The following ADAMTS16 variants were observed in gnomAD, a reference collection of about 807,000 sequenced individuals.
ADAMTS16 encodes the protein A disintegrin and metalloproteinase with thrombospondin motifs 16.
In ADAMTS16, 94 loss-of-function variants were observed where a neutral mutation model predicts 145.8. The ratio of observed to expected loss-of-function variants is 0.64; its 90% CI spans 0.55 to 0.77. ADAMTS16 has a LOEUF of 0.77. Ranked by LOEUF, ADAMTS16 falls within the 30% of genes least tolerant of loss-of-function variation. The probability of loss-of-function intolerance (pLI) is 0.00; values close to 1 mark genes in which losing one functional copy is unlikely to be tolerated. For synonymous variants in ADAMTS16, 659 were observed against 604.3 expected (o/e 1.09, Z -1.33); for missense variants, 1,585 against 1,591.5 (o/e 1.00, Z 0.07).
chr5:5,176,787 A>G (rs1735209521), intron 3 of ADAMTS16, among the ~76,000 whole-genome samples: 1 of 152,198 alleles, frequency 6.6e-6, no homozygotes, highest in Non-Finnish European at 1.5e-5. Flanking sequence ...GAATTCATCC[A>G]AAGCCTGATT....
At chr5:5,213,202 T>C (rs532812146) in intron 10 of ADAMTS16, among the ~76,000 whole-genome samples, 117 of 152,346 alleles carry the variant, frequency 7.7e-4, no homozygotes, top group African/African-American at 2.8e-3. Context: ...AACCATCTTT[T>C]ATATTTATTG....
intron 18 of ADAMTS16, among the ~76,000 whole-genome samples, chr5:5,302,577 T>C (rs1177448402): frequency 2.0e-4 from 30 of 152,178 alleles, no homozygotes; most frequent in Non-Finnish European, 2.9e-5. Flanking sequence ...AAAGATCCGG[T>C]TTCTTTAACA....
At chr5:5,174,190 T>G (rs1330987387) in intron 3 of ADAMTS16, among the ~76,000 whole-genome samples, 1 of 152,188 alleles carries the variant, frequency 6.6e-6, no homozygotes, top group Non-Finnish European at 1.5e-5. Context: ...TATTTCTCCT[T>G]CATGTTTGAG....
chr5:5,198,563 C>T (rs1735871035), intron 8 of ADAMTS16, among the ~76,000 whole-genome samples: 1 of 152,164 alleles, frequency 6.6e-6, no homozygotes, highest in African/African-American at 2.4e-5. Context: ...AGTCTTTCTC[C>T]AGTCCTCGGT....
At chr5:5,189,612 G>A (rs1328869975) in intron 6 of ADAMTS16, among the ~76,000 whole-genome samples, 1 of 152,156 alleles carries the variant, frequency 6.6e-6, no homozygotes, top group Non-Finnish European at 1.5e-5. Context: ...TATGTACAAA[G>A]CCATGTATAA....
At chr5:5,288,997 C>G (rs1385609449) in intron 18 of ADAMTS16, among the ~76,000 whole-genome samples, 1 of 152,134 alleles carries the variant, frequency 6.6e-6, no homozygotes, top group East Asian at 1.9e-4. Flanking sequence ...TGGGCTAATG[C>G]ATGTGAATGG....
intron 21 of ADAMTS16, among the ~76,000 whole-genome samples, chr5:5,312,021 G>C (rs1413593132): frequency 6.6e-6 from 1 of 152,062 alleles, no homozygotes; most frequent in African/African-American, 2.4e-5. Context: ...TCGGCCATCG[G>C]TTCGCTTCTT....
chr5:5,212,797 A>T (rs1736313950), intron 10 of ADAMTS16, among the ~76,000 whole-genome samples: 1 of 152,192 alleles, frequency 6.6e-6, no homozygotes, highest in South Asian at 2.1e-4. Flanking sequence ...AAAATTATAT[A>T]GTAGATTTCA....
Position 5,208,220 on chromosome 5 carries a change from GAGCCAGAAATCT to G in ADAMTS16, c.1452-872_1452-861del, listed in dbSNP as rs376867689. 3.9e-3 allele frequency among the ~76,000 whole-genome samples: 600 copies of G among 152,278 alleles called. 3 individuals are homozygous for G. Among genetic ancestry groups the G allele is most frequent in the African/African-American group, 0.013 (554 of 41,554 alleles). On this transcript the variant is annotated intron_variant, in intron 9 of 22. Transcript: ENST00000274181. ...ACGTGGGACTGGGGGTCCTAGAAAT[GAGCCAGAAATCT>G]TCCAGTCAAGGTGGACAACCACTCA... is the stretch of plus-strand genomic sequence containing the variant.
chr5:5,175,197 C>T (rs944467555), intron 3 of ADAMTS16, among the ~76,000 whole-genome samples: 1 of 152,110 alleles, frequency 6.6e-6, no homozygotes, highest in Non-Finnish European at 1.5e-5. Context: ...TATTCCAGGC[C>T]CCAGGGCTCT....
intron 18 of ADAMTS16, among the ~76,000 whole-genome samples, chr5:5,265,764 T>A (rs1560976820): frequency 6.6e-6 from 1 of 152,092 alleles, no homozygotes; most frequent in Non-Finnish European, 1.5e-5. Context: ...CCCCGGACAG[T>A]GGGGTCTGCT....
intron 21 of ADAMTS16, among the ~76,000 whole-genome samples, chr5:5,314,703 G>A (rs1303236791): frequency 2.0e-5 from 3 of 151,960 alleles, no homozygotes; most frequent in Non-Finnish European, 2.9e-5. Flanking sequence ...TTTTTTTCAC[G>A]GGGAATTGTA....
chr5:5,318,923 C>T (rs1034427341), intron 22 of ADAMTS16, 100 bp from the exon 23 acceptor site: 38 of 833,286 alleles, frequency 4.6e-5, no homozygotes, highest in South Asian at 9.3e-5. Context: ...AGCCGCAGAG[C>T]GTGACAAATT....
rs1340037476 is a variant in ADAMTS16 at position 5,262,711 on chromosome 5, T to C, written c.2717T>C (p.Met906Thr). 1.9e-6 allele frequency: 3 copies of C among 1,614,108 alleles called. No homozygotes were observed. Among genetic ancestry groups the C allele is most frequent in the Non-Finnish European group, 2.5e-6 (3 of 1,180,042 alleles). The change falls in exon 18 of 23, where the codon ATG becomes ACG. Residue 906 changes from methionine to threonine, a missense_variant. By Grantham distance (81) the Met-to-Thr change is moderately conservative. Coordinates refer to ENST00000274181, the MANE Select transcript of ADAMTS16 (RefSeq NM_139056.4). ...AGAGACCTGAAGTTTCAAGTAAATATGTCCTTCTGCAATCCCAAGACACGA... is the reference window on the plus strand; with the variant it reads ...AGAGACCTGAAGTTTCAAGTAAATACGTCCTTCTGCAATCCCAAGACACGA... ...CYRDLKFQVN[M>T]SFCNPKTRPV...
At chr5:5,169,280 A>G (rs1320506233) in intron 3 of ADAMTS16, among the ~76,000 whole-genome samples, 1 of 152,224 alleles carries the variant, frequency 6.6e-6, no homozygotes. Flanking sequence ...AGGAAATACT[A>G]GCCTTTGGAA....
At chr5:5,294,355 T>C (rs573929694) in intron 18 of ADAMTS16, among the ~76,000 whole-genome samples, 1 of 152,348 alleles carries the variant, frequency 6.6e-6, no homozygotes, top group East Asian at 1.9e-4. Context: ...TTTTAAGGAA[T>C]TGGCTTATGT....
chr5:5,188,728 C>G (rs749132691), intron 6 of ADAMTS16, among the ~76,000 whole-genome samples: 12 of 152,130 alleles, frequency 7.9e-5, no homozygotes, highest in Non-Finnish European at 1.6e-4. Context: ...GGATGCTGCT[C>G]TTTTTCTGTG....
chr5:5,145,887 T>A (rs1019757428), intron 2 of ADAMTS16, among the ~76,000 whole-genome samples: 1 of 152,176 alleles, frequency 6.6e-6, no homozygotes, highest in Admixed American at 6.5e-5. Context: ...ACCGCATCAC[T>A]GTTGGAGAAT....
chr5:5,186,301 G>GGGGGGGGTGTGTGTGT (rs368811446), intron 5 of ADAMTS16, 50 bp downstream of exon 5: 1 of 948,100 alleles, frequency 1.1e-6, no homozygotes, highest in African/African-American at 1.8e-5. Flanking sequence ...CACTTCGTAG[G>GGGGGGGGTGTGTGTGT]GTGTGTGTGT....
Sources: gnomAD v4.1 joint callset for allele counts (sites outside exome capture counted in the v4.1 genomes callset) on GRCh38, gnomAD v4.1.1 for gene constraint, MANE v1.5 for transcripts, NCBI Gene and HGNC (gene_info 2026-07-23, HGNC 2026-07-21) for gene names.